Variants in GPLD1 observed in about 807,000 individuals in gnomAD.
GPLD1 encodes the protein glycosylphosphatidylinositol specific phospholipase D1.
GPLD1 carries 84 observed loss-of-function variants against 112.6 expected under a neutral mutation model. That is an observed-to-expected ratio of 0.75 (90% CI 0.63 to 0.89). The LOEUF (loss-of-function observed/expected upper bound fraction) is 0.89, where lower values mean the gene tolerates loss of function less well. GPLD1 is among the 40% of genes least tolerant of loss of function. The pLI is 0.00. For missense variants in GPLD1, 1,044 were observed against 1,051.5 expected (o/e 0.99, Z 0.10); for synonymous variants, 386 against 403.8 (o/e 0.96, Z 0.53).
At chr6:24,477,665 G>GGCCACA (rs1764065768) in intron 3 of GPLD1, among the ~76,000 whole-genome samples, 3 of 152,140 alleles carry the variant, frequency 2.0e-5, no homozygotes, top group Non-Finnish European at 4.4e-5. Context: ...AGGAGTTTGA[G>GGCCACA]GCTGTAATGA....
chr6:24,486,843 A>G (rs1764393702), intron 1 of GPLD1, among the ~76,000 whole-genome samples: 1 of 151,994 alleles, frequency 6.6e-6, no homozygotes, highest in Non-Finnish European at 1.5e-5. Flanking sequence ...CTGTCATCAT[A>G]TTTTGCTTCA....
upstream of GPLD1, among the ~76,000 whole-genome samples, chr6:24,493,899 C>G (rs1764621299): frequency 6.6e-6 from 1 of 152,220 alleles, no homozygotes; most frequent in African/African-American, 2.4e-5. Flanking sequence ...AAAATCAATG[C>G]ATAGGGCTGG....
intron 24 of GPLD1, among the ~76,000 whole-genome samples, chr6:24,431,329 T>C (rs998421091): frequency 6.6e-6 from 1 of 152,190 alleles, no homozygotes; most frequent in African/African-American, 2.4e-5. Context: ...TGAAGGCTTC[T>C]GCAGCCCTTC....
At chr6:24,470,209 GTTC>G (rs1335150084) in intron 7 of GPLD1, among the ~76,000 whole-genome samples, 1 of 152,010 alleles carries the variant, frequency 6.6e-6, no homozygotes, top group Non-Finnish European at 1.5e-5. Flanking sequence ...GATCTCGGCA[GTTC>G]TTAACTTGAG....
intron 10 of GPLD1, among the ~76,000 whole-genome samples, chr6:24,466,036 T>C (rs1024318780): frequency 2.6e-5 from 4 of 152,188 alleles, no homozygotes; most frequent in African/African-American, 9.6e-5. Context: ...GCCCCCAGCA[T>C]GGGTTTTCCC....
intron 3 of GPLD1, among the ~76,000 whole-genome samples, chr6:24,477,743 A>G (rs1419496528): frequency 8.4e-6 from 1 of 118,886 alleles, no homozygotes; most frequent in Non-Finnish European, 1.8e-5. Flanking sequence ...AAAATGTAAA[A>G]ATAACTTTAA....
intron 20 of GPLD1, among the ~76,000 whole-genome samples, chr6:24,438,837 A>G (rs1762658808): frequency 6.6e-6 from 1 of 151,932 alleles, no homozygotes; most frequent in Non-Finnish European, 1.5e-5. Flanking sequence ...CCCAGGCTGG[A>G]GTACAGCGGC....
chr6:24,452,641 C>T (rs1226749396), intron 14 of GPLD1, among the ~76,000 whole-genome samples: 6 of 151,890 alleles, frequency 4.0e-5, no homozygotes, highest in African/African-American at 7.2e-5. Flanking sequence ...CCGGGCATGG[C>T]GGTGCATGCC....
At chr6:24,447,779 T>C in intron 17 of GPLD1, 98 bp downstream of exon 17, 1 of 1,105,352 alleles carries the variant, frequency 9.0e-7, no homozygotes, top group South Asian at 1.5e-5. Context: ...GGTGAAATGA[T>C]ATGGAATAAG....
chr6:24,479,554 T>C (rs760905), intron 3 of GPLD1, among the ~76,000 whole-genome samples: 74,079 of 151,966 alleles, frequency 0.49, 18,662 homozygotes, highest in African/African-American at 0.59. Flanking sequence ...TAAGATCACA[T>C]GCTAATATAG....
chr6:24,448,534 T>A (rs1762985160), intron 15 of GPLD1, among the ~76,000 whole-genome samples: 1 of 152,182 alleles, frequency 6.6e-6, no homozygotes, highest in African/African-American at 2.4e-5. Flanking sequence ...AAAGGAATTT[T>A]TTTAAAGTCT....
At chr6:24,433,970 G>T (rs1413682650) in intron 22 of GPLD1, among the ~76,000 whole-genome samples, 1 of 152,088 alleles carries the variant, frequency 6.6e-6, no homozygotes, top group Non-Finnish European at 1.5e-5. Flanking sequence ...ACTAACAATG[G>T]TTGCCTGAAT....
At chr6:24,462,947 CAG>C (rs1763485501) in intron 10 of GPLD1, 152 bp from the exon 11 acceptor site, 3 of 606,318 alleles carry the variant, frequency 4.9e-6, no homozygotes, top group South Asian at 2.0e-5. Flanking sequence ...CATGTTCTCC[CAG>C]AGAGGGTGGG....
chr6:24,487,644 T>G (rs1260817001), intron 1 of GPLD1, among the ~76,000 whole-genome samples: 1 of 152,188 alleles, frequency 6.6e-6, no homozygotes. Context: ...CAAGACACTT[T>G]AGAATTCTTT....
chr6:24,480,072 T>A, intron 2 of GPLD1, 113 bp from the exon 3 acceptor site: 1 of 666,038 alleles, frequency 1.5e-6, no homozygotes, highest in Non-Finnish European at 2.7e-6. Flanking sequence ...ATAGATGGAA[T>A]GAAAGGGAAA....
At chr6:24,430,244 C>T (rs1189991775) in intron 24 of GPLD1, among the ~76,000 whole-genome samples, 4 of 152,210 alleles carry the variant, frequency 2.6e-5, no homozygotes, top group African/African-American at 7.2e-5. Flanking sequence ...TGGCCTTCGG[C>T]TTCACTCTGT....
At chr6:24,468,561 A>AT (rs199823696) in intron 7 of GPLD1, among the ~76,000 whole-genome samples, 85 of 148,598 alleles carry the variant, frequency 5.7e-4, no homozygotes, top group African/African-American at 1.6e-3. Flanking sequence ...TTTTATTTTT[A>AT]TTTTTTTTTT....
chr6:24,488,638 G>A (rs542352896), intron 1 of GPLD1, among the ~76,000 whole-genome samples: 3 of 152,130 alleles, frequency 2.0e-5, no homozygotes, highest in East Asian at 3.9e-4. Flanking sequence ...TGGGGGGGGC[G>A]GATGTGTTAA....
intron 12 of GPLD1, 145 bp from the exon 13 acceptor site, chr6:24,456,782 A>G: frequency 1.8e-6 from 1 of 541,942 alleles, no homozygotes; most frequent in South Asian, 3.0e-5. Context: ...AGGTCCTATC[A>G]GCAAGTAAGA....
Sources: allele counts gnomAD v4.1 joint callset (sites outside exome capture counted in the v4.1 genomes callset), GRCh38; gene constraint gnomAD v4.1.1; transcripts MANE v1.5; gene names NCBI Gene and HGNC (gene_info 2026-07-23, HGNC 2026-07-21).